Variants in HEATR4 observed in about 807,000 individuals in gnomAD.
HEATR4 encodes the protein HEAT repeat-containing protein 4.
HEATR4 carries 95 observed loss-of-function variants against 108.8 expected under a neutral mutation model. The observed-to-expected ratio is 0.87, with a 90% confidence interval of 0.74 to 1.04. The LOEUF is 1.04. HEATR4 is among the 50% of genes least tolerant of loss of function. The probability of loss-of-function intolerance (pLI) is 0.00; values close to 1 mark genes in which losing one functional copy is unlikely to be tolerated. For synonymous variants in HEATR4, 443 were observed against 459.4 expected, an observed-to-expected ratio of 0.96 and a Z score of 0.46; for missense variants, 1,152 against 1,253.8, an observed-to-expected ratio of 0.92 and a Z score of 1.23.
At chr14:73,562,652 C>T (rs1889545915), upstream of HEATR4, among the ~76,000 whole-genome samples, 1 of 151,936 alleles carries the variant, frequency 6.6e-6, no homozygotes, top group Admixed American at 6.6e-5. Flanking sequence ...GAAAGGAATG[C>T]ATTCCTGGCG....
At chr14:73,508,747 GT>G (rs1887008099) in intron 8 of HEATR4, among the ~76,000 whole-genome samples, 1 of 78,782 alleles carries the variant, frequency 1.3e-5, no homozygotes, top group Non-Finnish European at 2.1e-5. Context: ...GTGAAACTCT[GT>G]CTCAAAAAAA....
At chr14:73,504,346 C>T (rs1294086651) in intron 10 of HEATR4, among the ~76,000 whole-genome samples, 1 of 151,956 alleles carries the variant, frequency 6.6e-6, no homozygotes, top group African/African-American at 2.4e-5. Context: ...GGGATCACGC[C>T]ATTCTCCTGC....
At chr14:73,587,304 T>G in the HEATR4 span, among the ~76,000 whole-genome samples, 2 of 151,954 alleles carry the variant, frequency 1.3e-5, no homozygotes, top group Non-Finnish European at 2.9e-5. Flanking sequence ...AAAAATAGGA[T>G]ATATTTTGAC....
the HEATR4 span, among the ~76,000 whole-genome samples, chr14:73,591,113 G>C: frequency 2.0e-5 from 3 of 152,192 alleles, no homozygotes; most frequent in Non-Finnish European, 4.4e-5. Flanking sequence ...TGGCATGGTG[G>C]TGCGCTGTCT....
intron 17 of HEATR4, chr14:73,491,553 C>T (rs750176031): frequency 3.9e-6 from 6 of 1,535,748 alleles, no homozygotes; most frequent in African/African-American, 1.4e-5. Flanking sequence ...GGTGGGGAGC[C>T]GGCCTGGGAC....
chr14:73,522,075 A>C (rs1888005584), intron 3 of HEATR4, among the ~76,000 whole-genome samples, 197 bp downstream of exon 3: 1 of 152,180 alleles, frequency 6.6e-6, no homozygotes, highest in Non-Finnish European at 1.5e-5. Flanking sequence ...CCACAACAAA[A>C]ATTATCCAAC....
the HEATR4 span, chr14:73,595,712 C>G: frequency 1.3e-6 from 2 of 1,486,364 alleles, no homozygotes; most frequent in South Asian, 1.5e-5. Flanking sequence ...GTTCAGTAAC[C>G]CTATGTGAAT....
the HEATR4 span, chr14:73,595,980 A>G: frequency 5.1e-6 from 1 of 196,684 alleles, no homozygotes; most frequent in Non-Finnish European, 1.0e-5. Flanking sequence ...CTATGAAAGA[A>G]TGGTCACTTA....
intron 7 of HEATR4, among the ~76,000 whole-genome samples, chr14:73,509,866 A>T (rs184282214): frequency 0.074 from 4,955 of 67,248 alleles, 467 homozygotes; most frequent in African/African-American, 0.2. Context: ...ATATATATAT[A>T]TATTTATTTA....
Position 73,520,867 on chromosome 14 carries a change from G to C in HEATR4, c.1054C>G (p.Gln352Glu), listed in dbSNP as rs1300933493. 1.2e-6 allele frequency: 2 copies of C among 1,613,800 alleles called. No homozygotes were observed. The highest frequency in any genetic ancestry group is 1.7e-6 in the Non-Finnish European group (2 of 1,179,946). The change falls in exon 4 of 18, where the codon CAG (glutamine) becomes GAG (glutamate). Residue 352 changes from glutamine to glutamate, a missense_variant. Coordinates refer to ENST00000553558, the MANE Select transcript of HEATR4 (RefSeq NM_001220484.1). ...GCTCTATTACCAAAGTAAATCTCCTGTTCAAAGGTGTTGTCTGTGGAGTAG... is the reference window on the plus strand; with the variant it reads ...GCTCTATTACCAAAGTAAATCTCCTCTTCAAAGGTGTTGTCTGTGGAGTAG... ...FAYSTDNTFEQEIYFDEVQII... is the reference protein window; with the variant it reads ...FAYSTDNTFEEEIYFDEVQII...
chr14:73,589,447 G>C, the HEATR4 span, among the ~76,000 whole-genome samples: 1 of 152,032 alleles, frequency 6.6e-6, no homozygotes, highest in Non-Finnish European at 1.5e-5. Flanking sequence ...AGCCTCCCAG[G>C]TAGCTGAGAC....
intron 17 of HEATR4, among the ~76,000 whole-genome samples, chr14:73,480,461 A>G (rs575478454): frequency 1.3e-5 from 2 of 152,266 alleles, no homozygotes; most frequent in South Asian, 2.1e-4. Context: ...AGATTAATCA[A>G]TTATAATGGA....
In HEATR4 at chr14:73,555,839, C is replaced by A. The variant is rs1265464936; in HGVS notation, c.-152+2912G>T. Among the ~76,000 whole-genome samples the A allele has an allele frequency of 2.7e-5, 3 of 112,984 alleles. 1 individual carries two copies. Among genetic ancestry groups the A allele is most frequent in the African/African-American group, 8.6e-5 (3 of 34,898 alleles). The allele number at this position is 112,984 out of a possible 152,430, so 74.1% of individuals were successfully genotyped here. A position where few individuals can be genotyped will look rare whatever the true frequency, so the allele number is the denominator to read the frequency against. On this transcript the variant is annotated intron_variant, in intron 1 of 17. Coordinates refer to ENST00000553558, the MANE Select transcript of HEATR4 (RefSeq NM_001220484.1). ...TGATCAACATGGAGAAACCCCATCT[C>A]TACTAAAAATACAAAATTAGCCAGG...
At chr14:73,569,239 G>C in the HEATR4 span, 1 of 1,613,116 alleles carries the variant, frequency 6.2e-7, no homozygotes, top group Non-Finnish European at 8.5e-7. Context: ...CAGCCCGAGA[G>C]GATGTCTAAC....
chr14:73,512,146 A>G lies in HEATR4; in HGVS notation c.1418T>C (p.Ile473Thr), dbSNP rs200546108. 151 of 1,614,078 alleles carry G rather than the reference A, an allele frequency of 9.4e-5. No homozygotes were observed. Among genetic ancestry groups the G allele is most frequent in the Non-Finnish European group, 1.2e-4 (140 of 1,180,026 alleles). The change falls in exon 7 of 18, where the codon ATA becomes ACA. Residue 473 changes from isoleucine (I) to threonine (T), a missense_variant. By Grantham distance (89) the Ile-to-Thr change is moderately conservative. Coordinates refer to ENST00000553558, the MANE Select transcript of HEATR4 (RefSeq NM_001220484.1). ...KEWKTAWALI[I>T]EWHHETVENL... ...CTCTACTGTCTCATGGTGCCACTCT[A>G]TGACTGAGCCGCAGTGAGGGAAATG...
Position 73,522,623 on chromosome 14 carries a change from C to G in HEATR4, c.530G>C (p.Arg177Pro), listed in dbSNP as rs750341766. Residue 177 changes from arginine (R) to proline (P), a missense_variant, in exon 3 of 18, where the codon CGG becomes CCG. Transcript: ENST00000553558. ...HPCMHPDMLG[R>P]PPSLDVNLEE... is the part of the protein sequence containing the mutation. Reference sequence around the variant, plus strand: ...CAGGTTCACATCTAGAGAAGGTGGCCGACCCAGCATATCTGGATGCATGCA... The same window carrying G: ...CAGGTTCACATCTAGAGAAGGTGGCGGACCCAGCATATCTGGATGCATGCA... The G allele has an allele frequency of 1.2e-6, 2 of 1,614,020 alleles. No individual in the cohort carries two copies. The highest frequency in any genetic ancestry group is 1.7e-6 in the Non-Finnish European group (2 of 1,180,040).
At chr14:73,627,779 C>A in the HEATR4 span, among the ~76,000 whole-genome samples, 2 of 117,746 alleles carry the variant, frequency 1.7e-5, no homozygotes, top group African/African-American at 6.4e-5. Context: ...CCCTCCTCCC[C>A]AGGTTTGGTA....
the HEATR4 span, among the ~76,000 whole-genome samples, chr14:73,630,235 C>T: frequency 3.3e-5 from 5 of 152,166 alleles, no homozygotes; most frequent in East Asian, 9.7e-4. Context: ...TCTTCCTCCG[C>T]CCAACTATCA....
chr14:73,628,752 T>G, the HEATR4 span, among the ~76,000 whole-genome samples: 1 of 121,000 alleles, frequency 8.3e-6, no homozygotes. Flanking sequence ...AAACTCCATC[T>G]CAAAAAAAAA....
Sources: allele counts gnomAD v4.1 joint callset (sites outside exome capture counted in the v4.1 genomes callset), GRCh38; gene constraint gnomAD v4.1.1; transcripts MANE v1.5; gene names NCBI Gene and HGNC (gene_info 2026-07-23, HGNC 2026-07-21).